TTYH1: variants seen among roughly 807,000 people sequenced by gnomAD.
TTYH1 encodes the protein tweety family member 1.
In TTYH1, 33 loss-of-function variants were observed where a neutral mutation model predicts 61.2. The ratio of observed to expected loss-of-function variants is 0.54; its 90% CI spans 0.41 to 0.72. TTYH1 has a LOEUF of 0.72. Among genes scored for constraint, TTYH1 ranks in the 30% least tolerant of loss-of-function variants. The probability of loss-of-function intolerance (pLI) is 0.00; values close to 1 mark genes in which losing one functional copy is unlikely to be tolerated. For missense variants in TTYH1, 538 were observed against 575.8 expected, an observed-to-expected ratio of 0.93 and a Z score of 0.67; for synonymous variants, 308 against 266.4, an observed-to-expected ratio of 1.16 and a Z score of -1.52.
At chr19:54,427,286 G>GGCACTCCAGCCTGGGCGACAGAGTA (rs2083340863) in intron 5 of TTYH1, among the ~76,000 whole-genome samples, 1 of 95,298 alleles carries the variant, frequency 1.0e-5, no homozygotes, top group African/African-American at 4.3e-5. Flanking sequence ...GCGACAGAGT[G>GGCACTCCAGCCTGGGCGACAGAGTA]ACACTCCATC....
In TTYH1 at chr19:54,419,892, T is replaced by C. The variant is rs1395878202; in HGVS notation, c.305+586T>C. 6.6e-6 allele frequency among the ~76,000 whole-genome samples: 1 copy of C among 152,100 alleles called. No individual in the cohort carries two copies. Among genetic ancestry groups the C allele is most frequent in the Non-Finnish European group, 1.5e-5 (1 of 68,018 alleles). ...TCTAATCAGGGAGACGGACGATAAATAGATATAATCACCCTCCAAGAGCAC... is the reference window on the plus strand; with the variant it reads ...TCTAATCAGGGAGACGGACGATAAACAGATATAATCACCCTCCAAGAGCAC... On this transcript the variant is annotated intron_variant, in intron 2 of 13. Coordinates refer to ENST00000376530, the MANE Select transcript of TTYH1 (RefSeq NM_020659.4). The surrounding 1 kb of genome is among the most constrained non-coding windows in gnomAD (Gnocchi z 6.1).
At position 54,422,385 on chromosome 19, in the gene TTYH1, A is replaced by G; in HGVS notation, c.613A>G (p.Asn205Asp). The change falls in exon 4 of 14, where the codon AAT (asparagine) becomes GAT (aspartate). Residue 205 changes from asparagine (N) to aspartate (D), a missense_variant. Physicochemically the swap from Asn to Asp is conservative, Grantham distance 23. Around this residue, in one of 3 missense-constraint regions of TTYH1, gnomAD observed 378 missense variants for 401.2 expected, o/e 0.94. Coordinates refer to ENST00000376530, the MANE Select transcript of TTYH1 (RefSeq NM_020659.4). ...CCTGAGCCCCCTGCAGGTGGCTGAA[A>G]ATGTGTCCTTTGTGGAGGAGTACAG... is the stretch of plus-strand genomic sequence containing the variant. ...VPLSPLQVAE[N>D]VSFVEEYRWL... 6.4e-7 allele frequency: 1 copy of G among 1,571,052 alleles called. No individual in the cohort carries two copies. Among genetic ancestry groups the G allele is most frequent in the South Asian group, 1.2e-5 (1 of 85,420 alleles).
At chr19:54,418,776 T>G in intron 1 of TTYH1, 1 of 173,244 alleles carries the variant, frequency 5.8e-6, no homozygotes, top group Non-Finnish European at 1.2e-5. Context: ...TGGCAGGTCC[T>G]TGGGAAAACC....
rs148537788 is a variant in TTYH1 at position 54,419,232 on chromosome 19, C to A, written c.231C>A (p.Pro77=). ...IRFCCCRPPE[P]PGSKIPSPGG... ...TCTGCTGCTGCCGGCCCCCCGAGCCCCCCGGGTCCAAGATCCCCTCGCCCG... is the reference window on the plus strand; with the variant it reads ...TCTGCTGCTGCCGGCCCCCCGAGCCACCCGGGTCCAAGATCCCCTCGCCCG... The change falls in exon 2 of 14, where the codon CCC becomes CCA. Residue 77 remains proline, a synonymous_variant. Coordinates refer to ENST00000376530, the MANE Select transcript of TTYH1 (RefSeq NM_020659.4). The surrounding 1 kb of genome is among the most constrained non-coding windows in gnomAD (Gnocchi z 6.1). 1.9e-6 allele frequency: 3 copies of A among 1,609,808 alleles called. No homozygotes were observed. Among genetic ancestry groups the A allele is most frequent in the East Asian group, 2.2e-5 (1 of 44,868 alleles).
chr19:54,435,650 A>G lies in TTYH1; in HGVS notation c.1234A>G (p.Ser412Gly), dbSNP rs767242856. The G allele has an allele frequency of 6.2e-7, 1 of 1,611,550 alleles. No homozygotes were observed. The highest frequency in any genetic ancestry group is 1.1e-5 in the South Asian group (1 of 90,940). ...SAGALATALC[S>G]LPRAWALFPP... ...AGGAGCGCTGGCCACTGCCCTCTGC[A>G]GCCTGCCCCGAGCCTGGGCCCTCTT... The change falls in exon 11 of 14, where the codon AGC becomes GGC. Residue 412 changes from serine (S) to glycine (G), a missense_variant. Physicochemically the swap from Ser to Gly is moderately conservative, Grantham distance 56. This residue lies in a region of TTYH1 where 378 missense variants were observed against 401.2 expected (regional missense o/e 0.94). Coordinates refer to ENST00000376530, the MANE Select transcript of TTYH1 (RefSeq NM_020659.4).
rs368226909 is a variant in TTYH1, at chr19:54,429,573, G to A, written c.807+194G>A. 1.2e-4 allele frequency among the ~76,000 whole-genome samples: 19 copies of A among 152,216 alleles called. No homozygotes were observed. In the East Asian group the frequency reaches 1.7e-3, roughly 14 times the overall value. On this transcript the variant is annotated intron_variant, in intron 6 of 13. Coordinates refer to ENST00000376530, the MANE Select transcript of TTYH1 (RefSeq NM_020659.4). This position sits in a 1 kb window ranked among gnomAD's most constrained non-coding sequence, Gnocchi z 5.1. Reference sequence around the variant, plus strand: ...TCCTGGACGTTTGAGCTGTAATGGAGGAGGGGCTGGAAACCTGGATTCCTA... The same window carrying A: ...TCCTGGACGTTTGAGCTGTAATGGAAGAGGGGCTGGAAACCTGGATTCCTA...
intron 10 of TTYH1, 88 bp downstream of exon 10, chr19:54,431,279 T>G (rs2083439258): frequency 1.2e-6 from 1 of 864,360 alleles, no homozygotes; most frequent in African/African-American, 1.7e-5. Context: ...CTTGGACCCC[T>G]GCCATTGCGC....
rs2083556955 is a variant in TTYH1, at chr19:54,436,551, C to T, written c.*261C>T. The T allele has an allele frequency of 1.5e-6, 1 of 666,378 alleles. No individual in the cohort carries two copies. The highest frequency in any genetic ancestry group is 1.8e-5 in the African/African-American group (1 of 56,056). 41.3% of individuals were successfully genotyped at this position (666,378 alleles called of 1,614,324 possible). A position where few individuals can be genotyped will look rare whatever the true frequency, so the allele number is the denominator to read the frequency against. On this transcript the variant is annotated 3_prime_UTR_variant, in exon 14 of 14. Transcript: ENST00000376530. This position sits in a 1 kb window ranked among gnomAD's most constrained non-coding sequence, Gnocchi z 4.3. ...GACAGCCTCGCCTCGCACCCTTCAT[C>T]CCTGGCTGCCGGTCCCATCCTTGGA... is the stretch of plus-strand genomic sequence containing the variant.
chr19:54,428,576 A>G (rs1327136418), intron 5 of TTYH1, among the ~76,000 whole-genome samples: 1 of 152,024 alleles, frequency 6.6e-6, no homozygotes, highest in Non-Finnish European at 1.5e-5. Flanking sequence ...AGGTTGGACC[A>G]CTTGCTCAGG....
intron 5 of TTYH1, among the ~76,000 whole-genome samples, chr19:54,428,227 T>C (rs2122919898): frequency 6.6e-6 from 1 of 151,764 alleles, no homozygotes; most frequent in Admixed American, 6.6e-5. Flanking sequence ...GTAGCTGGGA[T>C]TACAGGCGTA....
rs149328769 is a variant in TTYH1 at position 54,418,736 on chromosome 19, C to T, written c.127-392C>T. 12 of 173,746 alleles carry T rather than the reference C, an allele frequency of 6.9e-5. No individual in the cohort carries two copies. In the East Asian group the frequency reaches 1.8e-3, roughly 26 times the overall value. 10.8% of individuals were successfully genotyped at this position (173,746 alleles called of 1,614,324 possible). The stretch of plus-strand genomic sequence containing the variant: ...AGGTGCCCCCACACCCCCACCCGCC[C>T]CCTGATCCCACACGATTGTGGAGGG... On this transcript the variant is annotated intron_variant, in intron 1 of 13. Coordinates refer to ENST00000376530, the MANE Select transcript of TTYH1 (RefSeq NM_020659.4).
In TTYH1 at chr19:54,415,927, G is replaced by C; in HGVS notation, c.126+249G>C. 1 of 894,388 alleles carries C rather than the reference G, an allele frequency of 1.1e-6. No individual in the cohort carries two copies. The highest frequency in any genetic ancestry group is 1.7e-6 in the Non-Finnish European group (1 of 593,506). The allele number at this position is 894,388 out of a possible 1,614,324, so 55.4% of individuals were successfully genotyped here. On this transcript the variant is annotated intron_variant, in intron 1 of 13. Coordinates refer to ENST00000376530, the MANE Select transcript of TTYH1 (RefSeq NM_020659.4). This position sits in a 1 kb window ranked among gnomAD's most constrained non-coding sequence, Gnocchi z 5.2. ...GAAGGCTGGGGACCTGCACCCCTGAGTTCATGGAGAGGAGGGGAGGGGGGC... is the reference window on the plus strand; with the variant it reads ...GAAGGCTGGGGACCTGCACCCCTGACTTCATGGAGAGGAGGGGAGGGGGGC...
intron 10 of TTYH1, 47 bp from the exon 11 acceptor site, chr19:54,435,495 T>TGGGGGA: frequency 6.5e-7 from 1 of 1,543,274 alleles, no homozygotes; most frequent in Non-Finnish European, 8.7e-7. Context: ...TGTGTGCCGA[T>TGGGGGA]GGGGGAGGGG....
Position 54,416,811 on chromosome 19 carries a change from C to T in TTYH1, c.126+1133C>T. The T allele has an allele frequency of 4.6e-6, 6 of 1,294,106 alleles. No individual in the cohort carries two copies. Among genetic ancestry groups the T allele is most frequent in the Non-Finnish European group, 6.1e-6 (6 of 988,726 alleles). 80.2% of individuals were successfully genotyped at this position (1,294,106 alleles called of 1,614,324 possible). ...CAGCCTCGCGGTTACACAACGGCCA[C>T]CTCCAACAACGCCGCTCCACCGGCT... is the stretch of plus-strand genomic sequence containing the variant. On this transcript the variant is annotated intron_variant, in intron 1 of 13. Coordinates refer to ENST00000376530, the MANE Select transcript of TTYH1 (RefSeq NM_020659.4). This position sits in a 1 kb window ranked among gnomAD's most constrained non-coding sequence, Gnocchi z 7.0.
intron 4 of TTYH1, among the ~76,000 whole-genome samples, chr19:54,423,219 A>G (rs2083255782): frequency 7.5e-6 from 1 of 134,004 alleles, no homozygotes. Flanking sequence ...TTTTTTTGAG[A>G]TGGAGTCTCA....
At chr19:54,417,838 A>C (rs1343217572) in intron 1 of TTYH1, among the ~76,000 whole-genome samples, 2 of 152,110 alleles carry the variant, frequency 1.3e-5, no homozygotes, top group Non-Finnish European at 2.9e-5. Flanking sequence ...GGACCCACTC[A>C]CAGGCCCAAG....
chr19:54,428,123 C>G lies in TTYH1; in HGVS notation c.735-1184C>G, dbSNP rs887691302. On this transcript the variant is annotated intron_variant, in intron 5 of 13. Transcript: ENST00000376530. ...TTTTTTTTTGAGCTGCAATTTGGCT[C>G]TTGTTGTCCAGGCTGGAGTTCAGCG... 4.0e-4 allele frequency among the ~76,000 whole-genome samples: 43 copies of G among 107,800 alleles called. 2 individuals are homozygous for G. The highest frequency in any genetic ancestry group is 1.7e-5 in the Non-Finnish European group (1 of 58,082). The allele number at this position is 107,800 out of a possible 152,430, so 70.7% of individuals were successfully genotyped here. A position where few individuals can be genotyped will look rare whatever the true frequency, so the allele number is the denominator to read the frequency against.
intron 8 of TTYH1, 73 bp from the exon 9 acceptor site, chr19:54,430,740 T>C: frequency 6.3e-7 from 1 of 1,584,006 alleles, no homozygotes; most frequent in Non-Finnish European, 8.6e-7. Flanking sequence ...CCGAGTGCTG[T>C]GTCCGGAGGA....
At chr19:54,426,363 G>C in intron 4 of TTYH1, 1 of 394,028 alleles carries the variant, frequency 2.5e-6, no homozygotes, top group Admixed American at 4.2e-5. Flanking sequence ...GGTTGGGGAT[G>C]GGGAGCTCGG....
Sources: gnomAD v4.1 joint callset for allele counts (sites outside exome capture counted in the v4.1 genomes callset) on GRCh38, gnomAD v4.1.1 for gene constraint, gnomAD v4.1.1 regional missense constraint, Gnocchi (gnomAD v3.1) non-coding constraint, MANE v1.5 for transcripts, NCBI Gene and HGNC (gene_info 2026-07-23, HGNC 2026-07-21) for gene names.